The following ADARB1 variants were observed in gnomAD, a reference collection of about 807,000 sequenced individuals.
ADARB1 encodes the protein double-stranded RNA-specific editase 1.
Under a neutral mutation model 52.4 loss-of-function variants are expected in ADARB1, and 10 were observed. The observed-to-expected ratio is 0.19, with a 90% CI of 0.12 to 0.32. ADARB1 has a LOEUF of 0.32. Ranked by LOEUF, ADARB1 falls within the 10% of genes least tolerant of loss-of-function variation. The probability of loss-of-function intolerance (pLI) is 1.00; values close to 1 mark genes in which losing one functional copy is unlikely to be tolerated. For missense variants in ADARB1, 643 were observed against 922.3 expected (o/e 0.70, Z 3.92); for synonymous variants, 349 against 371.1 (o/e 0.94, Z 0.68).
At chr21:45,174,715 A>ATACG (rs1471723702) in intron 3 of ADARB1, among the ~76,000 whole-genome samples, 2 of 152,140 alleles carry the variant, frequency 1.3e-5, no homozygotes, top group African/African-American at 4.8e-5. Context: ...ACATACATAC[A>ATACG]TACATACATA....
chr21:45,169,965 G>T (rs1424010760), intron 2 of ADARB1, among the ~76,000 whole-genome samples: 1 of 152,248 alleles, frequency 6.6e-6, no homozygotes, highest in Non-Finnish European at 1.5e-5. Context: ...CATCTGCCCT[G>T]ACTGCAGGGG....
Position 45,211,042 on chromosome 21 carries a change from G to A in ADARB1, c.1747+6306G>A, listed in dbSNP as rs912269561. ...TGTTATGTGGCCAGAGGTCCTCTGT[G>A]TAAAGCCCTCAGCACCTGGCTGGGG... On this transcript the variant is annotated intron_variant, in intron 9 of 10. Transcript: ENST00000348831. Among the ~76,000 whole-genome samples, 10 of 152,348 alleles carry A rather than the reference G, an allele frequency of 6.6e-5. No homozygotes were observed. In the South Asian group the frequency reaches 1.0e-3, roughly 16 times the overall value.
intron 4 of ADARB1, 139 bp from the exon 5 acceptor site, chr21:45,180,191 G>T: frequency 4.5e-6 from 3 of 662,328 alleles, no homozygotes; most frequent in Admixed American, 2.3e-5. Context: ...ATACTTGTTT[G>T]CCAGATTTAC....
intron 1 of ADARB1, among the ~76,000 whole-genome samples, chr21:45,106,757 T>C (rs998301466): frequency 2.0e-5 from 3 of 152,182 alleles, no homozygotes; most frequent in Non-Finnish European, 4.4e-5. Flanking sequence ...GATGCACTTT[T>C]GGGGTGCAAA....
Position 45,210,867 on chromosome 21 carries a change from C to T in ADARB1, c.1747+6131C>T, listed in dbSNP as rs1009107893. ...TCACTGTGAGCCTCTCAGCCCCACT[C>T]CCCCGGCTGCTCCCCTTCATCTACA... is the stretch of plus-strand genomic sequence containing the variant. On this transcript the variant is annotated intron_variant, in intron 9 of 10. Coordinates refer to ENST00000348831, the MANE Select transcript of ADARB1 (RefSeq NM_001112.4). Among the ~76,000 whole-genome samples, 4 of 152,242 alleles carry T rather than the reference C, an allele frequency of 2.6e-5. No individual in the cohort carries two copies. The East Asian group carries it at 5.8e-4, about 22-fold the overall frequency.
chr21:45,196,885 A>G (rs2092436510), intron 8 of ADARB1, among the ~76,000 whole-genome samples: 1 of 152,212 alleles, frequency 6.6e-6, no homozygotes, highest in Non-Finnish European at 1.5e-5. Flanking sequence ...TGTAAATAGA[A>G]CAATCACTTT....
chr21:45,167,741 A>G (rs2091311510), intron 2 of ADARB1, among the ~76,000 whole-genome samples: 1 of 152,118 alleles, frequency 6.6e-6, no homozygotes, highest in South Asian at 2.1e-4. Context: ...AGATTCTCAA[A>G]AATAAAAAAT....
intron 2 of ADARB1, among the ~76,000 whole-genome samples, chr21:45,149,107 A>G (rs1461373139): frequency 6.6e-6 from 1 of 152,194 alleles, no homozygotes; most frequent in Non-Finnish European, 1.5e-5. Flanking sequence ...CCTGGGTGCA[A>G]CAACATGGGG....
intron 1 of ADARB1, among the ~76,000 whole-genome samples, chr21:45,105,899 A>G (rs527265848): frequency 6.6e-6 from 1 of 152,310 alleles, no homozygotes; most frequent in African/African-American, 2.4e-5. Flanking sequence ...TAGTGTACCC[A>G]TGTCTAGGAA....
chr21:45,191,403 G>C (rs1440330408), intron 8 of ADARB1, among the ~76,000 whole-genome samples: 1 of 152,166 alleles, frequency 6.6e-6, no homozygotes, highest in East Asian at 1.9e-4. Flanking sequence ...ATGATGTACA[G>C]TTTTTCCTAC....
chr21:45,120,247 A>T (rs1017021251), intron 1 of ADARB1, among the ~76,000 whole-genome samples: 1 of 152,178 alleles, frequency 6.6e-6, no homozygotes, highest in South Asian at 2.1e-4. Context: ...TTTGGCCTCT[A>T]CCGCACGGAC....
intron 2 of ADARB1, among the ~76,000 whole-genome samples, chr21:45,129,424 A>T (rs2088793280): frequency 6.6e-6 from 1 of 152,180 alleles, no homozygotes; most frequent in African/African-American, 2.4e-5. Flanking sequence ...AAGCTTTTTC[A>T]TGGGTTCAGA....
chr21:45,181,367 G>A (rs529746681), intron 5 of ADARB1: 13 of 152,592 alleles, frequency 8.5e-5, no homozygotes, highest in African/African-American at 2.6e-4. Flanking sequence ...TTGCCGTGCC[G>A]TGTCCAGGGA....
chr21:45,096,108 A>T (rs1241226829), intron 1 of ADARB1, among the ~76,000 whole-genome samples: 2 of 152,184 alleles, frequency 1.3e-5, no homozygotes, highest in Non-Finnish European at 2.9e-5. Flanking sequence ...AATTAGACAA[A>T]CTTCCCACCT....
intron 1 of ADARB1, among the ~76,000 whole-genome samples, chr21:45,082,358 G>A (rs896635149): frequency 1.3e-5 from 2 of 152,168 alleles, no homozygotes; most frequent in African/African-American, 2.4e-5. Context: ...TATTAAATAT[G>A]TATCACTTTC....
chr21:45,160,210 G>C (rs997649981), intron 2 of ADARB1, among the ~76,000 whole-genome samples: 2 of 152,200 alleles, frequency 1.3e-5, no homozygotes, highest in African/African-American at 4.8e-5. Context: ...TTATCCAGTG[G>C]ACTCAGGGTG....
rs1362902594 is a variant in ADARB1, at chr21:45,204,117, C to T, written c.1566-438C>T. On this transcript the variant is annotated intron_variant, in intron 8 of 10. Transcript: ENST00000348831. The surrounding 1 kb of genome is among the most constrained non-coding windows in gnomAD (Gnocchi z 4.4). The stretch of plus-strand genomic sequence containing the variant: ...CAGCACAAGATCGCACCACACTCCT[C>T]AGAACGGCATACAGTTGAAAGTCTG... Among the ~76,000 whole-genome samples, 1 of 152,220 alleles carries T rather than the reference C, an allele frequency of 6.6e-6. No individual in the cohort carries two copies. Among genetic ancestry groups the T allele is most frequent in the African/African-American group, 2.4e-5 (1 of 41,462 alleles).
In ADARB1 at chr21:45,222,865, C is replaced by T. The variant is rs1016709961; in HGVS notation, c.*668C>T. On this transcript the variant is annotated 3_prime_UTR_variant, in exon 11 of 11. Coordinates refer to ENST00000348831, the MANE Select transcript of ADARB1 (RefSeq NM_001112.4). ...GCCCTGTCATGCACATGGGGTCCCG[C>T]AGCAGTGACTGTGTGTCCTGCAGAG... 6.1e-6 allele frequency: 6 copies of T among 985,384 alleles called. No homozygotes were observed. Among genetic ancestry groups the T allele is most frequent in the Admixed American group, 1.2e-4 (2 of 16,268 alleles). The allele number at this position is 985,384 out of a possible 1,614,324, so 61.0% of individuals were successfully genotyped here.
Position 45,224,135 on chromosome 21 carries a change from T to G in ADARB1, c.*1938T>G. ...TGTAAGTCTGTGCATTTTTATTGTC[T>G]TGATAAATTGTATTTTTTTCTAATG... On this transcript the variant is annotated 3_prime_UTR_variant, in exon 11 of 11. Transcript: ENST00000348831. The G allele has an allele frequency of 1.0e-6, 1 of 985,460 alleles. No homozygotes were observed. The highest frequency in any genetic ancestry group is 1.2e-6 in the Non-Finnish European group (1 of 829,946). The allele number at this position is 985,460 out of a possible 1,614,324, so 61.0% of individuals were successfully genotyped here.
Sources: allele counts gnomAD v4.1 joint callset (sites outside exome capture counted in the v4.1 genomes callset), GRCh38; gene constraint gnomAD v4.1.1; non-coding constraint Gnocchi (gnomAD v3.1); transcripts MANE v1.5; gene names NCBI Gene and HGNC (gene_info 2026-07-23, HGNC 2026-07-21).